The following PTPN4 variants were observed in gnomAD, a reference collection of about 807,000 sequenced individuals.
The protein encoded by PTPN4 is protein tyrosine phosphatase non-receptor type 4, also known as tyrosine-protein phosphatase non-receptor type 4.
In PTPN4, 49 loss-of-function variants were observed where a neutral mutation model predicts 135.5. The observed-to-expected ratio is 0.36, with a 90% CI of 0.29 to 0.46. The LOEUF is 0.46. Among genes scored for constraint, PTPN4 ranks in the 20% least tolerant of loss-of-function variants. PTPN4 has a pLI of 1.00. For missense variants in PTPN4, 860 were observed against 1,101.0 expected, an observed-to-expected ratio of 0.78 and a Z score of 3.10; for synonymous variants, 333 against 369.9, an observed-to-expected ratio of 0.90 and a Z score of 1.14.
chr2:119,760,733 C>CTTTTTTTTTTTTTTTTTTTT (rs59953430), intron 1 of PTPN4, among the ~76,000 whole-genome samples: 1 of 79,908 alleles, frequency 1.3e-5, no homozygotes, highest in African/African-American at 5.1e-5. Flanking sequence ...GGTAGAATTC[C>CTTTTTTTTTTTTTTTTTTTT]TTTTTTTTTT....
intron 1 of PTPN4, among the ~76,000 whole-genome samples, chr2:119,765,155 C>T (rs1008042224): frequency 5.3e-5 from 8 of 152,282 alleles, no homozygotes; most frequent in South Asian, 2.1e-4. Flanking sequence ...AGGCATCTAG[C>T]GCTGTGCTTT....
At chr2:119,877,878 TG>T (rs1678009168) in intron 5 of PTPN4, among the ~76,000 whole-genome samples, 1 of 138,260 alleles carries the variant, frequency 7.2e-6, no homozygotes, top group South Asian at 2.3e-4. Flanking sequence ...GGATGCTGTG[TG>T]GTGAGAAATT....
chr2:119,836,690 C>G (rs914718500), intron 2 of PTPN4, among the ~76,000 whole-genome samples: 2 of 152,244 alleles, frequency 1.3e-5, no homozygotes, highest in Non-Finnish European at 2.9e-5. Flanking sequence ...AGCCCCTCAG[C>G]CCCTGCAGGC....
chr2:119,801,121 C>T (rs1363605726), intron 1 of PTPN4, among the ~76,000 whole-genome samples: 3 of 152,248 alleles, frequency 2.0e-5, no homozygotes, highest in Non-Finnish European at 4.4e-5. Context: ...CAGAGCCTCG[C>T]TCTATCACCC....
intron 10 of PTPN4, among the ~76,000 whole-genome samples, chr2:119,910,148 TGG>T (rs1203478891): frequency 1.3e-5 from 2 of 152,070 alleles, no homozygotes; most frequent in Non-Finnish European, 2.9e-5. Flanking sequence ...TTTGGCAATG[TGG>T]TCTTGCCACA....
chr2:119,863,093 A>G (rs531874201), intron 3 of PTPN4, among the ~76,000 whole-genome samples: 3 of 152,224 alleles, frequency 2.0e-5, no homozygotes, highest in African/African-American at 7.2e-5. Context: ...CCTCACAAAT[A>G]AGATAGAGAT....
intron 26 of PTPN4, among the ~76,000 whole-genome samples, chr2:119,970,899 C>T (rs750660295): frequency 7.9e-5 from 12 of 152,350 alleles, no homozygotes; most frequent in Non-Finnish European, 1.3e-4. Context: ...TACCATTTTG[C>T]AGTTCCTCTA....
intron 1 of PTPN4, among the ~76,000 whole-genome samples, chr2:119,799,635 T>G (rs1305348491): frequency 6.6e-6 from 1 of 152,156 alleles, no homozygotes; most frequent in African/African-American, 2.4e-5. Context: ...TTTGCCTAAT[T>G]TAGGCACTTT....
chr2:119,978,996 C>G lies in PTPN4; in HGVS notation c.*1926C>G, dbSNP rs2105070834. The G allele has an allele frequency of 6.6e-6, 1 of 152,202 alleles. No homozygotes were observed. Among genetic ancestry groups the G allele is most frequent in the African/African-American group, 2.4e-5 (1 of 41,566 alleles). 9.4% of individuals were successfully genotyped at this position (152,202 alleles called of 1,614,324 possible). ...TAAACTTATGTCAAAGAGAAATTCT[C>G]TTAATCTATTTCCTGACTTCACAGT... On this transcript the variant is annotated 3_prime_UTR_variant, in exon 27 of 27. Transcript: ENST00000263708.
chr2:119,904,413 G>A (rs147195312), intron 10 of PTPN4, among the ~76,000 whole-genome samples: 1 of 152,054 alleles, frequency 6.6e-6, no homozygotes, highest in East Asian at 1.9e-4. Flanking sequence ...ACACTGTAAA[G>A]CAGCCAAATA....
At position 119,946,385 on chromosome 2, in the gene PTPN4, G is replaced by A. The variant is rs781151655; in HGVS notation, c.1560G>A (p.Met520Ile). Residue 520 changes from methionine to isoleucine, a missense_variant, in exon 17 of 27, where the codon ATG becomes ATA. By Grantham distance (10) the Met-to-Ile change is conservative. Coordinates refer to ENST00000263708, the MANE Select transcript of PTPN4 (RefSeq NM_002830.4). ...ATGATAATCTTGTCCTAATCAGAAT[G>A]AAACCTGATGAAAATGGGAGGTTTG... ...IPHDNLVLIRMKPDENGRFGF... is the reference protein window; with the variant it reads ...IPHDNLVLIRIKPDENGRFGF... 1 of 1,611,758 alleles carries A rather than the reference G, an allele frequency of 6.2e-7. No individual in the cohort carries two copies. Among genetic ancestry groups the A allele is most frequent in the Admixed American group, 1.7e-5 (1 of 59,876 alleles).
rs758114378 is a variant in PTPN4, at chr2:119,881,843, A to G, written c.413+13A>G. The stretch of plus-strand genomic sequence containing the variant: ...TTCTTACTGGAAGGTGGGCTCTTTA[A>G]ATTTCTTAAAAAATTTTTTGTAATG... On this transcript the variant is annotated intron_variant, in intron 6 of 26. Transcript: ENST00000263708. 6.5e-7 allele frequency: 1 copy of G among 1,527,754 alleles called. No homozygotes were observed. The highest frequency in any genetic ancestry group is 9.0e-7 in the Non-Finnish European group (1 of 1,117,216). The allele number at this position is 1,527,754 out of a possible 1,614,324, so 94.6% of individuals were successfully genotyped here. A position where few individuals can be genotyped will look rare whatever the true frequency, so the allele number is the denominator to read the frequency against.
intron 3 of PTPN4, among the ~76,000 whole-genome samples, chr2:119,868,776 C>T (rs571345413): frequency 1.3e-5 from 2 of 152,282 alleles, no homozygotes; most frequent in Admixed American, 6.5e-5. Context: ...GATTTAATAT[C>T]TATAGAAACA....
chr2:119,910,067 G>A (rs980782888), intron 10 of PTPN4, among the ~76,000 whole-genome samples: 1 of 152,054 alleles, frequency 6.6e-6, no homozygotes, highest in Non-Finnish European at 1.5e-5. Context: ...TCATGATAAA[G>A]CAGCAGCTGG....
At chr2:119,929,636 A>C (rs148830727) in intron 13 of PTPN4, among the ~76,000 whole-genome samples, 49 of 152,252 alleles carry the variant, frequency 3.2e-4, no homozygotes, top group African/African-American at 1.2e-3. Context: ...TCGCAAACAC[A>C]CTGATGCTGT....
At chr2:119,845,493 T>C (rs1430797164) in intron 2 of PTPN4, among the ~76,000 whole-genome samples, 3 of 152,154 alleles carry the variant, frequency 2.0e-5, no homozygotes, top group Non-Finnish European at 4.4e-5. Flanking sequence ...TCATCTACAT[T>C]ATCTATCGGC....
chr2:119,897,567 A>G (rs1177196706), intron 9 of PTPN4, among the ~76,000 whole-genome samples: 1 of 152,206 alleles, frequency 6.6e-6, no homozygotes, highest in African/African-American at 2.4e-5. Flanking sequence ...GCTATCCTGT[A>G]ATTAAAGATA....
At chr2:119,926,253 A>C (rs902395864) in intron 12 of PTPN4, among the ~76,000 whole-genome samples, 8 of 152,168 alleles carry the variant, frequency 5.3e-5, no homozygotes, top group African/African-American at 1.9e-4. Context: ...CTCTCTATCA[A>C]CAATTTCCCT....
At chr2:119,964,664 TAG>T (rs1183996591) in intron 24 of PTPN4, among the ~76,000 whole-genome samples, 2 of 152,202 alleles carry the variant, frequency 1.3e-5, no homozygotes, top group East Asian at 3.8e-4. Flanking sequence ...TTTACACATA[TAG>T]AAATTGAGTT....
Sources: allele counts gnomAD v4.1 joint callset (sites outside exome capture counted in the v4.1 genomes callset), GRCh38; gene constraint gnomAD v4.1.1; transcripts MANE v1.5; gene names NCBI Gene and HGNC (gene_info 2026-07-23, HGNC 2026-07-21).